Variants in GAB2 observed in about 807,000 individuals in gnomAD.
GAB2 encodes the protein GRB2 associated binding protein 2.
In GAB2, 26 loss-of-function variants were observed where a neutral mutation model predicts 65.5. The ratio of observed to expected loss-of-function variants is 0.40; its 90% confidence interval spans 0.29 to 0.55. The LOEUF is 0.55. GAB2 is among the 20% of genes least tolerant of loss of function. The pLI is 0.53. For synonymous variants in GAB2, 321 were observed against 329.6 expected, an observed-to-expected ratio of 0.97 and a Z score of 0.28; for missense variants, 884 against 875.8, an observed-to-expected ratio of 1.01 and a Z score of -0.12.
intron 1 of GAB2, among the ~76,000 whole-genome samples, chr11:78,310,574 C>G (rs1377220398): frequency 1.3e-5 from 2 of 151,446 alleles, no homozygotes; most frequent in Non-Finnish European, 2.9e-5. Flanking sequence ...AAGCGGGAAC[C>G]AGGCCCAGGC....
chr11:78,404,913 C>T (rs138790767), intron 1 of GAB2, among the ~76,000 whole-genome samples: 1 of 152,176 alleles, frequency 6.6e-6, no homozygotes, highest in East Asian at 1.9e-4. Context: ...TTGGAATGTT[C>T]CTAACAAAAA....
intron 1 of GAB2, 30 bp from the exon 2 acceptor site, chr11:78,280,931 G>C (rs181467089): frequency 3.7e-5 from 58 of 1,566,318 alleles, no homozygotes; most frequent in Non-Finnish European, 5.0e-5. Flanking sequence ...AGTAAGAAGA[G>C]GGGGAAGAAG....
chr11:78,356,434 T>C (rs1856360491), intron 1 of GAB2, among the ~76,000 whole-genome samples: 1 of 152,234 alleles, frequency 6.6e-6, no homozygotes, highest in Admixed American at 6.5e-5. Context: ...ATATTACCTA[T>C]AGCAGACCTC....
intron 1 of GAB2, among the ~76,000 whole-genome samples, chr11:78,368,986 T>C (rs1302603502): frequency 2.0e-5 from 3 of 151,510 alleles, no homozygotes; most frequent in African/African-American, 7.3e-5. Flanking sequence ...TAAATAAATT[T>C]ATATTTACGG....
chr11:78,373,374 G>T (rs1268555516), intron 1 of GAB2, among the ~76,000 whole-genome samples: 1 of 151,954 alleles, frequency 6.6e-6, no homozygotes, highest in African/African-American at 2.4e-5. Flanking sequence ...GAGTAGCTGG[G>T]ATTACAGGCA....
chr11:78,307,792 A>G (rs1855401998), intron 1 of GAB2, among the ~76,000 whole-genome samples: 1 of 152,222 alleles, frequency 6.6e-6, no homozygotes, highest in Non-Finnish European at 1.5e-5. Context: ...TGAGAATATA[A>G]CAGTGTAATG....
chr11:78,349,746 G>A (rs868743375), intron 1 of GAB2, among the ~76,000 whole-genome samples: 1 of 151,996 alleles, frequency 6.6e-6, no homozygotes, highest in African/African-American at 2.4e-5. Context: ...GGGAGAGTGG[G>A]AGGTGGGGTA....
intron 1 of GAB2, among the ~76,000 whole-genome samples, chr11:78,363,732 G>C (rs1591066468): frequency 6.6e-6 from 1 of 151,728 alleles, no homozygotes; most frequent in South Asian, 2.1e-4. Context: ...CTATAGGCAC[G>C]CACTACTATG....
intron 1 of GAB2, among the ~76,000 whole-genome samples, chr11:78,309,496 G>T (rs1177519804): frequency 6.9e-6 from 1 of 144,506 alleles, no homozygotes; most frequent in Non-Finnish European, 1.5e-5. Context: ...TTGAGACAGG[G>T]TCTCAGTCTG....
In GAB2 at chr11:78,217,541, T is replaced by C. The variant is rs1864209537; in HGVS notation, c.*1731A>G. 1 of 152,070 alleles carries C rather than the reference T, an allele frequency of 6.6e-6. No homozygotes were observed. The highest frequency in any genetic ancestry group is 2.1e-4 in the South Asian group (1 of 4,824). The allele number at this position is 152,070 out of a possible 1,614,324, so 9.4% of individuals were successfully genotyped here. ...CCCCATCAAACATGGCAGGAAGTCA[T>C]TGTTTGGGAGGAAGAAGTTCTGTTC... is the stretch of plus-strand genomic sequence containing the variant. On this transcript the variant is annotated 3_prime_UTR_variant, in exon 10 of 10. Coordinates refer to ENST00000361507, the MANE Select transcript of GAB2 (RefSeq NM_080491.3).
intron 1 of GAB2, among the ~76,000 whole-genome samples, chr11:78,407,851 AT>A (rs1857075291): frequency 1.3e-5 from 2 of 152,092 alleles, no homozygotes; most frequent in Non-Finnish European, 2.9e-5. Flanking sequence ...AAGACCATGG[AT>A]TTTTCATTAG....
chr11:78,295,614 T>A (rs937186663), intron 1 of GAB2, among the ~76,000 whole-genome samples: 8 of 152,266 alleles, frequency 5.3e-5, no homozygotes, highest in Non-Finnish European at 1.2e-4. Context: ...AGTGCTCTTA[T>A]AATGGTATGA....
chr11:78,412,249 T>C (rs1215622946), intron 1 of GAB2, among the ~76,000 whole-genome samples: 1 of 151,992 alleles, frequency 6.6e-6, no homozygotes, highest in Non-Finnish European at 1.5e-5. Context: ...TCATTAGCCA[T>C]AAGGGAAATG....
At chr11:78,252,336 A>G (rs1351418732) in intron 2 of GAB2, among the ~76,000 whole-genome samples, 1 of 152,240 alleles carries the variant, frequency 6.6e-6, no homozygotes, top group Admixed American at 6.5e-5. Context: ...GTCTTTCAGT[A>G]AACTGGACAT....
chr11:78,356,994 TG>T (rs1346163601), intron 1 of GAB2, among the ~76,000 whole-genome samples: 3 of 152,156 alleles, frequency 2.0e-5, no homozygotes, highest in Non-Finnish European at 4.4e-5. Context: ...GATTAGGGGT[TG>T]GTGAGTAGGG....
intron 1 of GAB2, among the ~76,000 whole-genome samples, chr11:78,412,900 G>A (rs73502984): frequency 0.047 from 7,208 of 152,218 alleles, 532 homozygotes; most frequent in African/African-American, 0.16. Flanking sequence ...TAAAAGTCAT[G>A]GCAGTGGGGA....
intron 1 of GAB2, among the ~76,000 whole-genome samples, chr11:78,346,287 C>T (rs1856177609): frequency 6.6e-6 from 1 of 152,090 alleles, no homozygotes; most frequent in Admixed American, 6.5e-5. Flanking sequence ...CCTTTATAAG[C>T]TTCCAACACC....
intron 1 of GAB2, among the ~76,000 whole-genome samples, chr11:78,301,957 CA>C (rs1367806810): frequency 6.6e-6 from 1 of 152,128 alleles, no homozygotes; most frequent in Non-Finnish European, 1.5e-5. Flanking sequence ...CCCTATTCAA[CA>C]AACAGTGCTG....
chr11:78,223,790 G>C lies in GAB2; in HGVS notation c.1303-114C>G, dbSNP rs537715373. The stretch of plus-strand genomic sequence containing the variant: ...GTCATGACTGGGTTAGCTATACTTT[G>C]AAGCTGTAAGGGAGACCTTGGGGAG... On this transcript the variant is annotated intron_variant, in intron 5 of 9. Transcript: ENST00000361507. The C allele has an allele frequency of 1.7e-5, 15 of 886,982 alleles. No homozygotes were observed. The African/African-American group carries it at 2.5e-4, about 15-fold the overall frequency. The allele number at this position is 886,982 out of a possible 1,614,324, so 54.9% of individuals were successfully genotyped here.
Sources: gnomAD v4.1 joint callset for allele counts (sites outside exome capture counted in the v4.1 genomes callset) on GRCh38, gnomAD v4.1.1 for gene constraint, MANE v1.5 for transcripts, NCBI Gene and HGNC (gene_info 2026-07-23, HGNC 2026-07-21) for gene names.